Variants in NUP62 observed in about 807,000 individuals in gnomAD.
The protein encoded by NUP62 is nucleoporin 62, also known as nuclear pore glycoprotein p62.
For missense variants in NUP62, 647 were observed against 689.4 expected, an observed-to-expected ratio of 0.94 and a Z score of 0.69; for synonymous variants, 305 against 303.4, an observed-to-expected ratio of 1.01 and a Z score of -0.05.
chr19:49,914,464 T>C (rs2075566361), intron 2 of NUP62, among the ~76,000 whole-genome samples: 1 of 152,140 alleles, frequency 6.6e-6, no homozygotes, highest in African/African-American at 2.4e-5. Flanking sequence ...CCAAGGAAAG[T>C]GCTGGCAGAG....
rs1050670197 is a variant in NUP62 at position 49,907,430 on chromosome 19, G to A, written c.*809C>T. On this transcript the variant is annotated 3_prime_UTR_variant, in exon 3 of 3. Coordinates refer to ENST00000352066, the MANE Select transcript of NUP62 (RefSeq NM_016553.5). Reference sequence around the variant, plus strand: ...TGTCTTCTGTGAAATTCTTGATCCCGCTCTGTTCTATTCACACTGTGCTGC... The same window carrying A: ...TGTCTTCTGTGAAATTCTTGATCCCACTCTGTTCTATTCACACTGTGCTGC... 7 of 413,834 alleles carry A rather than the reference G, an allele frequency of 1.7e-5. No individual in the cohort carries two copies. Among genetic ancestry groups the A allele is most frequent in the East Asian group, 7.4e-5 (1 of 13,584 alleles). The allele number at this position is 413,834 out of a possible 1,614,324, so 25.6% of individuals were successfully genotyped here.
intron 2 of NUP62, among the ~76,000 whole-genome samples, chr19:49,915,519 C>T (rs898350767): frequency 1.3e-5 from 2 of 152,238 alleles, no homozygotes; most frequent in Non-Finnish European, 2.9e-5. Flanking sequence ...TCTGGACCCC[C>T]AGCACTGTGA....
chr19:49,928,049 G>C (rs2075949305), intron 1 of NUP62: 1 of 152,428 alleles, frequency 6.6e-6, no homozygotes, highest in African/African-American at 2.4e-5. Flanking sequence ...TCCCTGCCAG[G>C]GGATGGGGCC....
chr19:49,907,792 A>T lies in NUP62; in HGVS notation c.*447T>A, dbSNP rs1299229010. The T allele has an allele frequency of 9.3e-5, 31 of 333,242 alleles. No individual in the cohort carries two copies. The highest frequency in any genetic ancestry group is 1.6e-4 in the Non-Finnish European group (28 of 173,302). The allele number at this position is 333,242 out of a possible 1,614,324, so 20.6% of individuals were successfully genotyped here. A position where few individuals can be genotyped will look rare whatever the true frequency, so the allele number is the denominator to read the frequency against. ...CTCAAGTCATCTGCCCGCCTTGGCC[A>T]CCCAAAGTGCTGAGATTACAGGGGT... On this transcript the variant is annotated 3_prime_UTR_variant, in exon 3 of 3. Transcript: ENST00000352066.
At chr19:49,920,404 G>A (rs1293880599) in intron 2 of NUP62, among the ~76,000 whole-genome samples, 1 of 152,138 alleles carries the variant, frequency 6.6e-6, no homozygotes, top group Non-Finnish European at 1.5e-5. Context: ...TTAGCGTGAT[G>A]AAAATGTTCT....
chr19:49,915,671 G>C (rs957777196), intron 2 of NUP62, among the ~76,000 whole-genome samples: 24 of 152,252 alleles, frequency 1.6e-4, no homozygotes, highest in African/African-American at 5.3e-4. Flanking sequence ...ACACAGAGCA[G>C]AGCTGGGGTT....
In NUP62 at chr19:49,909,056, G is replaced by A; in HGVS notation, c.752C>T (p.Ala251Val). ...TPVTTAGAPT[A>V]GTQGFSLKAP... ...CTTTAAGCTGAAGCCCTGTGTCCCA[G>A]CAGTGGGGGCGCCCGCTGTGGTCAC... Residue 251 changes from alanine (A) to valine (V), a missense_variant, in exon 3 of 3, where the codon GCT becomes GTT. Transcript: ENST00000352066. 1 of 1,612,986 alleles carries A rather than the reference G, an allele frequency of 6.2e-7. No homozygotes were observed. Among genetic ancestry groups the A allele is most frequent in the Non-Finnish European group, 8.5e-7 (1 of 1,180,028 alleles).
intron 2 of NUP62, among the ~76,000 whole-genome samples, chr19:49,919,977 G>A (rs2075725583): frequency 1.3e-5 from 2 of 152,088 alleles, no homozygotes. Flanking sequence ...TCCCAGGCTG[G>A]AGTGCAGTGG....
In NUP62 at chr19:49,909,431, G is replaced by A. The variant is rs754044637; in HGVS notation, c.377C>T (p.Ser126Leu). 1.2e-5 allele frequency: 19 copies of A among 1,613,906 alleles called. No individual in the cohort carries two copies. The highest frequency in any genetic ancestry group is 2.2e-5 in the East Asian group (1 of 44,894). ...LGSSNLTNAISSTVTSSQGTA... is the reference protein window; with the variant it reads ...LGSSNLTNAILSTVTSSQGTA... ...GCCCTGGCTGGAGGTGACGGTGCTCGATATGGCATTAGTGAGGTTGCTGCT... is the reference window on the plus strand; with the variant it reads ...GCCCTGGCTGGAGGTGACGGTGCTCAATATGGCATTAGTGAGGTTGCTGCT... The change falls in exon 3 of 3, where the codon TCG becomes TTG. Residue 126 changes from serine to leucine, a missense_variant. Transcript: ENST00000352066.
intron 2 of NUP62, among the ~76,000 whole-genome samples, 169 bp downstream of exon 2, chr19:49,927,525 T>C (rs963719835): frequency 6.6e-6 from 1 of 152,206 alleles, no homozygotes; most frequent in Non-Finnish European, 1.5e-5. Flanking sequence ...GCTGCTACTC[T>C]GTATACTGCC....
chr19:49,915,025 C>G (rs1225043396), intron 2 of NUP62, among the ~76,000 whole-genome samples: 2 of 152,000 alleles, frequency 1.3e-5, no homozygotes, highest in Admixed American at 1.3e-4. Flanking sequence ...CAGGAGTGAG[C>G]CACTGTGCCC....
At chr19:49,914,903 C>A (rs538212264) in intron 2 of NUP62, among the ~76,000 whole-genome samples, 1 of 151,700 alleles carries the variant, frequency 6.6e-6, no homozygotes, top group Non-Finnish European at 1.5e-5. Flanking sequence ...CCATGCCCAG[C>A]TAATTTTTGT....
intron 2 of NUP62, among the ~76,000 whole-genome samples, chr19:49,924,954 C>T (rs2075850877): frequency 6.6e-6 from 1 of 152,144 alleles, no homozygotes; most frequent in Non-Finnish European, 1.5e-5. Context: ...TCCTACTGAC[C>T]AAGCTATTAA....
chr19:49,911,987 T>C (rs912708210), intron 2 of NUP62, among the ~76,000 whole-genome samples: 5 of 152,138 alleles, frequency 3.3e-5, no homozygotes, highest in Non-Finnish European at 7.3e-5. Flanking sequence ...GCTAAAGGCA[T>C]CTGAGCAGCT....
rs769411926 is a variant in NUP62 at position 49,909,199 on chromosome 19, T to C, written c.609A>G (p.Thr203=). 3.7e-6 allele frequency: 6 copies of C among 1,614,030 alleles called. No individual in the cohort carries two copies. Among genetic ancestry groups the C allele is most frequent in the Non-Finnish European group, 5.1e-6 (6 of 1,180,002 alleles). The change falls in exon 3 of 3, where the codon ACA becomes ACG. Residue 203 remains threonine, a synonymous_variant. Transcript: ENST00000352066. The part of the protein sequence containing the change: ...ATPAATTAGA[T]QPAAPTPTAT... The stretch of plus-strand genomic sequence containing the variant: ...CTGTGGGTGTGGGAGCAGCTGGCTG[T>C]GTGGCACCTGCTGTGGTGGCTGCTG...
chr19:49,910,374 G>A (rs1166979425), intron 2 of NUP62, among the ~76,000 whole-genome samples: 1 of 152,044 alleles, frequency 6.6e-6, no homozygotes, highest in Non-Finnish European at 1.5e-5. Flanking sequence ...CAGGCTGGAT[G>A]GCAGGGTCTG....
chr19:49,910,025 C>T (rs1273330420), intron 2 of NUP62, 141 bp from the exon 3 acceptor site: 21 of 632,744 alleles, frequency 3.3e-5, no homozygotes, highest in African/African-American at 5.4e-5. Flanking sequence ...TCTGCTACAT[C>T]GAGAAGGATC....
intron 2 of NUP62, among the ~76,000 whole-genome samples, chr19:49,927,025 A>G (rs1027347104): frequency 4.6e-5 from 7 of 151,786 alleles, no homozygotes; most frequent in Non-Finnish European, 8.8e-5. Context: ...ACACCCGACT[A>G]TTTTTTTGTA....
At position 49,908,029 on chromosome 19, in the gene NUP62, C is replaced by T. The variant is rs1439201796; in HGVS notation, c.*210G>A. The T allele has an allele frequency of 1.9e-6, 2 of 1,069,698 alleles. No individual in the cohort carries two copies. The highest frequency in any genetic ancestry group is 5.3e-5 in the East Asian group (2 of 38,082). The allele number at this position is 1,069,698 out of a possible 1,614,324, so 66.3% of individuals were successfully genotyped here. On this transcript the variant is annotated 3_prime_UTR_variant, in exon 3 of 3. Coordinates refer to ENST00000352066, the MANE Select transcript of NUP62 (RefSeq NM_016553.5). The stretch of plus-strand genomic sequence containing the variant: ...ATACTCAAATGAAAGCCACAGAAGC[C>T]ACACCCATGAGGCTGCTGCCTGGGC...
Sources: gnomAD v4.1 joint callset for allele counts (sites outside exome capture counted in the v4.1 genomes callset) on GRCh38, gnomAD v4.1.1 for gene constraint, MANE v1.5 for transcripts, NCBI Gene and HGNC (gene_info 2026-07-23, HGNC 2026-07-21) for gene names.